DLG2: variants seen among roughly 807,000 people sequenced by gnomAD.
DLG2 encodes the protein discs large MAGUK scaffold protein 2.
DLG2 carries 45 observed loss-of-function variants against 132.5 expected under a neutral mutation model. The observed-to-expected ratio is 0.34, with a 90% confidence interval of 0.27 to 0.44. The LOEUF is 0.44. DLG2 is among the 20% of genes least tolerant of loss of function. The pLI is 1.00. For missense variants in DLG2, 1,045 were observed against 1,196.9 expected (o/e 0.87, Z 1.87); for synonymous variants, 424 against 419.6 (o/e 1.01, Z -0.13).
At chr11:84,276,269 G>A (rs74789106) in intron 7 of DLG2, among the ~76,000 whole-genome samples, 11,989 of 152,162 alleles carry the variant, frequency 0.079, 546 homozygotes, top group Non-Finnish European at 0.1. Context: ...GAGGCCCTAG[G>A]TGGCTCAATC....
intron 21 of DLG2, chr11:83,486,131 T>C: frequency 1.6e-6 from 1 of 608,546 alleles, no homozygotes; most frequent in Non-Finnish European, 2.9e-6. Flanking sequence ...AAAACAAGGT[T>C]GAGAACTGCC....
intron 3 of DLG2, among the ~76,000 whole-genome samples, chr11:85,555,817 G>A (rs1451006337): frequency 6.6e-6 from 1 of 151,830 alleles, no homozygotes; most frequent in African/African-American, 2.4e-5. Context: ...AGAGATGAGA[G>A]GAACTTTGCT....
chr11:85,472,984 C>A (rs945511123), intron 3 of DLG2, among the ~76,000 whole-genome samples: 3 of 152,238 alleles, frequency 2.0e-5, no homozygotes, highest in Non-Finnish European at 4.4e-5. Flanking sequence ...TGCTGTAACA[C>A]TGCCTTTGGG....
chr11:84,809,186 C>G (rs1300084188), intron 6 of DLG2, among the ~76,000 whole-genome samples: 2 of 151,838 alleles, frequency 1.3e-5, no homozygotes, highest in African/African-American at 4.8e-5. Context: ...GAAGAGCAAC[C>G]ACATATTCAT....
intron 7 of DLG2, among the ~76,000 whole-genome samples, chr11:84,472,056 C>T (rs1038982979): frequency 6.6e-6 from 1 of 151,760 alleles, no homozygotes; most frequent in Non-Finnish European, 1.5e-5. Context: ...CCTTGAATTA[C>T]CTATTGGAGC....
intron 7 of DLG2, among the ~76,000 whole-genome samples, chr11:84,498,765 T>C (rs1268868809): frequency 6.6e-6 from 1 of 152,182 alleles, no homozygotes; most frequent in Non-Finnish European, 1.5e-5. Context: ...TATATTATCT[T>C]TCTTAATCCC....
chr11:83,959,665 A>G (rs2087947296), intron 14 of DLG2, among the ~76,000 whole-genome samples: 1 of 152,128 alleles, frequency 6.6e-6, no homozygotes, highest in Non-Finnish European at 1.5e-5. Context: ...AGACTCACAG[A>G]GATGAACTGA....
At chr11:83,751,184 A>AAAC (rs1392561657) in intron 18 of DLG2, among the ~76,000 whole-genome samples, 5 of 152,220 alleles carry the variant, frequency 3.3e-5, no homozygotes, top group Non-Finnish European at 7.3e-5. Flanking sequence ...GGTTATGCAG[A>AAAC]TACTTTCAGA....
At chr11:84,913,769 T>C (rs1395268073) in intron 6 of DLG2, among the ~76,000 whole-genome samples, 1 of 152,226 alleles carries the variant, frequency 6.6e-6, no homozygotes, top group Non-Finnish European at 1.5e-5. Context: ...AAACATGTAT[T>C]ACTTTTATAA....
intron 3 of DLG2, among the ~76,000 whole-genome samples, chr11:85,422,553 G>T (rs1471735062): frequency 6.6e-6 from 1 of 151,202 alleles, no homozygotes; most frequent in Non-Finnish European, 1.5e-5. Context: ...TTTGGTGGGG[G>T]GGATTTGTCG....
chr11:85,064,276 A>G (rs1315346884), intron 6 of DLG2, among the ~76,000 whole-genome samples: 3 of 151,826 alleles, frequency 2.0e-5, no homozygotes, highest in African/African-American at 7.2e-5. Context: ...AATAAATTCT[A>G]TTCAATTCTA....
At chr11:85,360,922 A>G (rs2084094776) in intron 3 of DLG2, among the ~76,000 whole-genome samples, 2 of 152,344 alleles carry the variant, frequency 1.3e-5, no homozygotes, top group South Asian at 4.1e-4. Flanking sequence ...AGTGGTAATA[A>G]TAGTAGTAAT....
In DLG2 at chr11:84,826,257, T is replaced by C. The variant is rs996850595; in HGVS notation, c.357+285404A>G. On this transcript the variant is annotated intron_variant, in intron 6 of 27. Coordinates refer to ENST00000376104, the MANE Select transcript of DLG2 (RefSeq NM_001142699.3). ...TGTACAATTAAATTAGAATTTACTATAGTCATTCTTTTGTGCTAGCAAATA... is the reference window on the plus strand; with the variant it reads ...TGTACAATTAAATTAGAATTTACTACAGTCATTCTTTTGTGCTAGCAAATA... Among the ~76,000 whole-genome samples, 13 of 151,940 alleles carry C rather than the reference T, an allele frequency of 8.6e-5. No individual in the cohort carries two copies. The East Asian group carries it at 1.2e-3, about 14-fold the overall frequency.
intron 2 of DLG2, among the ~76,000 whole-genome samples, chr11:85,614,974 T>C (rs1591331084): frequency 2.0e-5 from 3 of 152,328 alleles, no homozygotes; most frequent in Admixed American, 2.0e-4. Context: ...CAATGCTTCT[T>C]TCTTCTATAA....
chr11:84,769,914 G>A (rs2069010034), intron 6 of DLG2, among the ~76,000 whole-genome samples: 2 of 152,182 alleles, frequency 1.3e-5, no homozygotes, highest in Non-Finnish European at 2.9e-5. Context: ...TGCCAGACAA[G>A]CAAGTGCTAA....
intron 3 of DLG2, among the ~76,000 whole-genome samples, chr11:85,489,609 T>C (rs1023297486): frequency 3.9e-5 from 6 of 152,208 alleles, no homozygotes; most frequent in Non-Finnish European, 7.4e-5. Context: ...ATTCTTTACA[T>C]CAGCACATGG....
chr11:84,996,185 G>C (rs1045931690), intron 6 of DLG2, among the ~76,000 whole-genome samples: 1 of 151,908 alleles, frequency 6.6e-6, no homozygotes, highest in African/African-American at 2.4e-5. Flanking sequence ...ATGTACCTAA[G>C]TGTGAGTTTG....
intron 7 of DLG2, among the ~76,000 whole-genome samples, chr11:84,318,953 T>C (rs2098386575): frequency 2.0e-5 from 3 of 152,160 alleles, no homozygotes. Flanking sequence ...AAGGAGTTGA[T>C]ACACATTTTT....
At chr11:85,190,600 G>C (rs1029204249) in intron 4 of DLG2, among the ~76,000 whole-genome samples, 1 of 151,852 alleles carries the variant, frequency 6.6e-6, no homozygotes, top group East Asian at 1.9e-4. Context: ...AAATAAACAA[G>C]ATTGATAGAT....
Sources: gnomAD v4.1 joint callset for allele counts (sites outside exome capture counted in the v4.1 genomes callset) on GRCh38, gnomAD v4.1.1 for gene constraint, MANE v1.5 for transcripts, NCBI Gene and HGNC (gene_info 2026-07-23, HGNC 2026-07-21) for gene names.